TARS2: variants seen among roughly 807,000 people sequenced by gnomAD.
TARS2 encodes threonyl-tRNA synthetase 2, mitochondrial.
In TARS2, 61 loss-of-function variants were observed where a neutral mutation model predicts 94.4. The ratio of observed to expected loss-of-function variants is 0.65; its 90% CI spans 0.53 to 0.80. The LOEUF (loss-of-function observed/expected upper bound fraction) is 0.80, where lower values mean the gene tolerates loss of function less well. Ranked by LOEUF, TARS2 falls within the 30% of genes least tolerant of loss-of-function variation. The pLI is 0.00. For synonymous variants in TARS2, 359 were observed against 353.4 expected (o/e 1.02, Z -0.18); for missense variants, 704 against 902.5 (o/e 0.78, Z 2.82).
chr1:150,507,063 G>T lies in TARS2; in HGVS notation c.2156G>T (p.Ter719LeuextTer6), dbSNP rs1158424657. Reference protein sequence around the residue: ...TRVPNAEEIF* With the variant: ...TRVPNAEEIFL Reference sequence around the variant, plus strand: ...GTCCCAAATGCCGAAGAAATTTTCTGAGCCTTTGTACATAGATGAGGCAAA... The same window carrying T: ...GTCCCAAATGCCGAAGAAATTTTCTTAGCCTTTGTACATAGATGAGGCAAA... The change falls in exon 18 of 18, where the codon TGA (stop) becomes TTA (leucine). Residue 719 changes from the stop codon to leucine (L), a stop_lost. Transcript: ENST00000369064. The T allele has an allele frequency of 6.2e-7, 1 of 1,613,966 alleles. No individual in the cohort carries two copies. The highest frequency in any genetic ancestry group is 8.5e-7 in the Non-Finnish European group (1 of 1,180,020).
chr1:150,497,685 C>T lies in TARS2; in HGVS notation c.1176C>T (p.Asp392=), dbSNP rs374221932. 2.7e-5 allele frequency: 44 copies of T among 1,614,036 alleles called. No individual in the cohort carries two copies. The highest frequency in any genetic ancestry group is 3.6e-5 in the Non-Finnish European group (42 of 1,180,042). ...ACAGGCCTCCCAGCTCCCAGAGTGA[C>T]GATTCTACCAGGCATATCACAGATA... is the stretch of plus-strand genomic sequence containing the variant. The part of the protein sequence containing the change: ...GSDRPPSSQS[D]DSTRHITDTL... Residue 392 remains aspartate, a synonymous_variant, in exon 10 of 18, where the codon GAC becomes GAT. Coordinates refer to ENST00000369064, the MANE Select transcript of TARS2 (RefSeq NM_025150.5).
In TARS2 at chr1:150,497,687, A is replaced by C. The variant is rs1193499998; in HGVS notation, c.1178A>C (p.Asp393Ala). The change falls in exon 10 of 18, where the codon GAT (aspartate) becomes GCT (alanine). Residue 393 changes from aspartate to alanine, a missense_variant. By Grantham distance (126) the Asp-to-Ala change is moderately radical (BLOSUM62 -2). Transcript: ENST00000369064. ...SDRPPSSQSD[D>A]STRHITDTLA... ...AGGCCTCCCAGCTCCCAGAGTGACGATTCTACCAGGCATATCACAGATACA... is the reference window on the plus strand; with the variant it reads ...AGGCCTCCCAGCTCCCAGAGTGACGCTTCTACCAGGCATATCACAGATACA... 2 of 1,614,198 alleles carry C rather than the reference A, an allele frequency of 1.2e-6. No individual in the cohort carries two copies. The highest frequency in any genetic ancestry group is 1.7e-6 in the Non-Finnish European group (2 of 1,180,034).
chr1:150,499,268 G>T lies in TARS2; in HGVS notation c.1592G>T (p.Gly531Val). ...GGAGAACCCTGGGACCTCAACTCTG[G>T]AGATGGTGCCTTCTATGGACCTAAG... ...EFGEPWDLNS[G>V]DGAFYGPKID... is the part of the protein sequence containing the mutation. The change falls in exon 13 of 18, where the codon GGA becomes GTA. Residue 531 changes from glycine to valine, a missense_variant. This residue lies in a region of TARS2 where 466 missense variants were observed against 609.5 expected (regional missense o/e 0.76). Coordinates refer to ENST00000369064, the MANE Select transcript of TARS2 (RefSeq NM_025150.5). 6.2e-7 allele frequency: 1 copy of T among 1,614,166 alleles called. No individual in the cohort carries two copies. The highest frequency in any genetic ancestry group is 8.5e-7 in the Non-Finnish European group (1 of 1,180,040).
rs1669682022 is a variant in TARS2 at position 150,496,806 on chromosome 1, C to G, written c.922-4C>G. ...TGACCCAATATTGCTATTCCTGACC[C>G]CAGGAACAGGAGCTCTTCTTCTTCC... On this transcript the variant is annotated splice_region_variant and splice_polypyrimidine_tract_variant and intron_variant, in intron 8 of 17. Coordinates refer to ENST00000369064, the MANE Select transcript of TARS2 (RefSeq NM_025150.5). 1.2e-6 allele frequency: 2 copies of G among 1,613,574 alleles called. No homozygotes were observed. The highest frequency in any genetic ancestry group is 1.3e-5 in the African/African-American group (1 of 74,886).
At position 150,496,523 on chromosome 1, in the gene TARS2, A is replaced by G. The variant is rs1193794165; in HGVS notation, c.816A>G (p.Thr272=). Residue 272 remains threonine (T), a synonymous_variant, in exon 8 of 18, where the codon ACA becomes ACG. Coordinates refer to ENST00000369064, the MANE Select transcript of TARS2 (RefSeq NM_025150.5). ...SLWRSSGAPE[T]LQRVSGISFP... is the part of the protein sequence containing the mutation. The stretch of plus-strand genomic sequence containing the variant: ...GGAGGTCTTCAGGGGCCCCAGAGAC[A>G]CTGCAGAGAGTGTCAGGGATTTCCT... 6.2e-7 allele frequency: 1 copy of G among 1,614,140 alleles called. No individual in the cohort carries two copies. The highest frequency in any genetic ancestry group is 1.7e-5 in the Admixed American group (1 of 60,016).
At position 150,491,287 on chromosome 1, in the gene TARS2, T is replaced by C; in HGVS notation, c.513-107T>C. ...GTTTGTCTGTCTTTGCCTATAACTC[T>C]AGATTTCTCTTGAAGGACAGGACCT... On this transcript the variant is annotated intron_variant, in intron 4 of 17. Coordinates refer to ENST00000369064, the MANE Select transcript of TARS2 (RefSeq NM_025150.5). The C allele has an allele frequency of 6.7e-6, 7 of 1,044,470 alleles. No individual in the cohort carries two copies. The South Asian group carries it at 7.8e-5, about 12-fold the overall frequency. 64.7% of individuals were successfully genotyped at this position (1,044,470 alleles called of 1,614,324 possible). A position where few individuals can be genotyped will look rare whatever the true frequency, so the allele number is the denominator to read the frequency against.
chr1:150,500,652 T>C (rs1669870359), intron 13 of TARS2, among the ~76,000 whole-genome samples: 1 of 151,852 alleles, frequency 6.6e-6, no homozygotes, highest in Admixed American at 6.6e-5. Flanking sequence ...TTTGGGAGGC[T>C]GAGGCAGGTG....
At chr1:150,494,655 C>A (rs1260201598) in intron 7 of TARS2, among the ~76,000 whole-genome samples, 1 of 151,472 alleles carries the variant, frequency 6.6e-6, no homozygotes, top group Admixed American at 6.6e-5. Context: ...AGGAGAATTG[C>A]TTGAACTGGG....
At chr1:150,489,679 G>A (rs1166509882) in intron 3 of TARS2, among the ~76,000 whole-genome samples, 5 of 152,172 alleles carry the variant, frequency 3.3e-5, no homozygotes, top group Admixed American at 2.0e-4. Flanking sequence ...AGTAGCTCAC[G>A]CCTGTAATCC....
intron 2 of TARS2, 55 bp downstream of exon 2, chr1:150,488,109 C>G: frequency 6.3e-7 from 1 of 1,574,852 alleles, no homozygotes; most frequent in African/African-American, 1.4e-5. Context: ...TTTACTTTCT[C>G]TTCACTTGAG....
intron 13 of TARS2, among the ~76,000 whole-genome samples, chr1:150,501,272 C>T: frequency 7.4e-6 from 1 of 135,094 alleles, no homozygotes; most frequent in African/African-American, 2.7e-5. Flanking sequence ...AACAGGGCAT[C>T]ATAATAAGAC....
intron 2 of TARS2, 189 bp from the exon 3 acceptor site, chr1:150,488,774 TG>T: frequency 1.5e-6 from 1 of 655,730 alleles, no homozygotes; most frequent in Non-Finnish European, 2.5e-6. Flanking sequence ...ACTCTATTTT[TG>T]TACCCATTAG....
At position 150,497,607 on chromosome 1, in the gene TARS2, G is replaced by A; in HGVS notation, c.1098G>A (p.Gly366=). The A allele has an allele frequency of 6.2e-7, 1 of 1,614,146 alleles. No individual in the cohort carries two copies. Among genetic ancestry groups the A allele is most frequent in the South Asian group, 1.1e-5 (1 of 91,076 alleles). The change falls in exon 10 of 18, where the codon GGG becomes GGA. Residue 366 remains glycine (G), a synonymous_variant. Transcript: ENST00000369064. ...LFSTKLWEQS[G]HWEHYQEDMF... The stretch of plus-strand genomic sequence containing the variant: ...CTACGAAGCTCTGGGAACAGTCAGG[G>A]CACTGGGAGCATTATCAGGAAGACA...
chr1:150,506,468 C>T (rs1377427412), intron 17 of TARS2, among the ~76,000 whole-genome samples: 1 of 133,148 alleles, frequency 7.5e-6, no homozygotes, highest in Non-Finnish European at 1.6e-5. Flanking sequence ...CTCTAATACC[C>T]CCTTCAGACA....
At chr1:150,498,439 G>A in intron 10 of TARS2, 63 bp from the exon 11 acceptor site, 1 of 1,501,480 alleles carries the variant, frequency 6.7e-7, no homozygotes, top group Non-Finnish European at 8.8e-7. Flanking sequence ...AGATTGGGTG[G>A]AGGAGCAGTC....
chr1:150,503,708 T>C lies in TARS2; in HGVS notation c.1618-627T>C, dbSNP rs894439124. 2.1e-3 allele frequency among the ~76,000 whole-genome samples: 307 copies of C among 146,390 alleles called. 4 individuals carry two copies. The highest frequency in any genetic ancestry group is 2.7e-3 in the African/African-American group (109 of 39,734). ...GTGTATATATATGTGTGTGTATATATACACACACACACACACACATATACA... is the reference window on the plus strand; with the variant it reads ...GTGTATATATATGTGTGTGTATATACACACACACACACACACACATATACA... On this transcript the variant is annotated intron_variant, in intron 13 of 17. Coordinates refer to ENST00000369064, the MANE Select transcript of TARS2 (RefSeq NM_025150.5).
chr1:150,487,479 T>TCAAA lies in TARS2; in HGVS notation c.30_31insAAAC (p.Arg11LysfsTer31). On this transcript the variant is annotated frameshift_variant, in exon 1 of 18. Transcript: ENST00000369064. LOFTEE classifies it high-confidence loss of function. ...GCCCTGTATCAGAGGTGGCGGTGTC[T>TCAAA]CCGGCTCCAAGGTTTACAGGCTTGC... 1 of 1,614,230 alleles carries TCAAA rather than the reference T, an allele frequency of 6.2e-7. No homozygotes were observed. Among genetic ancestry groups the TCAAA allele is most frequent in the Non-Finnish European group, 8.5e-7 (1 of 1,180,032 alleles).
Position 150,491,391 on chromosome 1 carries a change from C to A in TARS2, c.513-3C>A, listed in dbSNP as rs1437741036. On this transcript the variant is annotated splice_polypyrimidine_tract_variant and splice_region_variant and intron_variant, in intron 4 of 17. Coordinates refer to ENST00000369064, the MANE Select transcript of TARS2 (RefSeq NM_025150.5). Reference sequence around the variant, plus strand: ...GCAACCCAACCAATTCTCCTCTTTCCAGGACAATCCGGGGCTCAGAGCTGC... The same window carrying A: ...GCAACCCAACCAATTCTCCTCTTTCAAGGACAATCCGGGGCTCAGAGCTGC... 4.3e-6 allele frequency: 7 copies of A among 1,612,528 alleles called. No homozygotes were observed. Among genetic ancestry groups the A allele is most frequent in the Non-Finnish European group, 5.9e-6 (7 of 1,179,990 alleles).
rs141179905 is a variant in TARS2 at position 150,497,669 on chromosome 1, C to T, written c.1160C>T (p.Pro387Leu). 2.5e-3 allele frequency: 4,053 copies of T among 1,614,152 alleles called. 11 individuals carry two copies. The highest frequency in any genetic ancestry group is 3.1e-3 in the Non-Finnish European group (3,685 of 1,180,028). The change falls in exon 10 of 18, where the codon CCC (proline) becomes CTC (leucine). Residue 387 changes from proline (P) to leucine (L), a missense_variant. Around this residue, in one of 3 missense-constraint regions of TARS2, gnomAD observed 466 missense variants for 609.5 expected, o/e 0.76. Coordinates refer to ENST00000369064, the MANE Select transcript of TARS2 (RefSeq NM_025150.5). The part of the protein sequence containing the change: ...AVQPPGSDRP[P>L]SSQSDDSTRH... ...CAGCCCCCAGGCTCTGACAGGCCTC[C>T]CAGCTCCCAGAGTGACGATTCTACC... is the stretch of plus-strand genomic sequence containing the variant.
Sources: gnomAD v4.1 joint callset for allele counts (sites outside exome capture counted in the v4.1 genomes callset) on GRCh38, gnomAD v4.1.1 for gene constraint, gnomAD v4.1.1 regional missense constraint, MANE v1.5 for transcripts, NCBI Gene and HGNC (gene_info 2026-07-23, HGNC 2026-07-21) for gene names.